Variants in ZNF438 observed in about 807,000 individuals in gnomAD.
ZNF438 encodes the protein zinc finger protein 438.
ZNF438 carries 25 observed loss-of-function variants against 38.0 expected under a neutral mutation model. The observed-to-expected ratio is 0.66, with a 90% CI of 0.48 to 0.92. The LOEUF (loss-of-function observed/expected upper bound fraction) is 0.92. Ranked by LOEUF, ZNF438 falls within the 40% of genes least tolerant of loss-of-function variation. The probability of loss-of-function intolerance (pLI) is 0.00; values close to 1 mark genes in which losing one functional copy is unlikely to be tolerated. For synonymous variants in ZNF438, 372 were observed against 364.1 expected, an observed-to-expected ratio of 1.02 and a Z score of -0.25; for missense variants, 1,007 against 999.6, an observed-to-expected ratio of 1.01 and a Z score of -0.10.
chr10:31,010,885 CCTGT>C (rs2055609892), intron 1 of ZNF438, among the ~76,000 whole-genome samples: 1 of 101,760 alleles, frequency 9.8e-6, no homozygotes, highest in Non-Finnish European at 1.8e-5. Context: ...GAAGTGAGAC[CCTGT>C]TTGAAAAAAA....
chr10:30,878,594 C>T (rs1016546933), intron 3 of ZNF438, among the ~76,000 whole-genome samples: 6 of 152,204 alleles, frequency 3.9e-5, no homozygotes, highest in African/African-American at 1.4e-4. Flanking sequence ...GTCACACTAG[C>T]CCTTTGCCCT....
chr10:30,872,927 GA>G (rs1270512019), intron 4 of ZNF438, among the ~76,000 whole-genome samples: 1 of 152,100 alleles, frequency 6.6e-6, no homozygotes, highest in East Asian at 1.9e-4. Context: ...TAATCACAGT[GA>G]ACTACTTCTT....
intron 1 of ZNF438, among the ~76,000 whole-genome samples, chr10:30,966,497 T>C (rs1376205174): frequency 6.6e-6 from 1 of 151,730 alleles, no homozygotes; most frequent in African/African-American, 2.4e-5. Flanking sequence ...GGTGAAACCC[T>C]GTCTCCACTA....
chr10:31,013,114 T>C (rs1301347256), intron 1 of ZNF438, among the ~76,000 whole-genome samples: 1 of 151,600 alleles, frequency 6.6e-6, no homozygotes, highest in East Asian at 1.9e-4. Context: ...GGTCAGGAGA[T>C]CGAGACCATC....
chr10:31,013,045 C>T (rs939831387), intron 1 of ZNF438, among the ~76,000 whole-genome samples: 11 of 152,176 alleles, frequency 7.2e-5, no homozygotes, highest in African/African-American at 2.7e-4. Flanking sequence ...CTGGGCCGGG[C>T]GCGGTGGCTC....
chr10:30,980,029 T>A (rs754803594), intron 1 of ZNF438, among the ~76,000 whole-genome samples: 3 of 152,128 alleles, frequency 2.0e-5, no homozygotes, highest in Non-Finnish European at 4.4e-5. Flanking sequence ...GTGAGGGGTG[T>A]GGGATCACGG....
intron 2 of ZNF438, among the ~76,000 whole-genome samples, chr10:30,938,468 G>T (rs1270632912): frequency 6.6e-6 from 1 of 151,814 alleles, no homozygotes; most frequent in Non-Finnish European, 1.5e-5. Context: ...TAGAGATGGG[G>T]TTTCATCATA....
intron 1 of ZNF438, among the ~76,000 whole-genome samples, chr10:30,948,998 G>C (rs564842110): frequency 6.6e-6 from 1 of 152,192 alleles, no homozygotes; most frequent in African/African-American, 2.4e-5. Flanking sequence ...GGCAGCCAGA[G>C]AGAAAGGTCG....
At position 31,016,634 on chromosome 10, in the gene ZNF438, G is replaced by A. The variant is rs558702074; in HGVS notation, c.-192+15199C>T. Among the ~76,000 whole-genome samples, 54 of 152,256 alleles carry A rather than the reference G, an allele frequency of 3.5e-4. No homozygotes were observed. In the South Asian group the frequency reaches 9.3e-3, roughly 26 times the overall value. On this transcript the variant is annotated intron_variant, in intron 1 of 5. Transcript: ENST00000413025. ...CACTGCCCTCAGGTGCATGATTGAA[G>A]CTAACTCACCAATGCTTCATTTACG...
chr10:30,987,603 C>T (rs1331079024), intron 1 of ZNF438, among the ~76,000 whole-genome samples: 1 of 152,020 alleles, frequency 6.6e-6, no homozygotes, highest in African/African-American at 2.4e-5. Flanking sequence ...CTTTAATTAG[C>T]GTTAGATTAG....
intron 4 of ZNF438, among the ~76,000 whole-genome samples, chr10:30,865,056 G>A (rs11008289): frequency 0.041 from 6,184 of 152,252 alleles, 410 homozygotes; most frequent in African/African-American, 0.14. Flanking sequence ...ATTCCAACAC[G>A]CTGAACTTAG....
intron 1 of ZNF438, among the ~76,000 whole-genome samples, chr10:30,970,278 C>T (rs2050603251): frequency 6.6e-6 from 1 of 151,924 alleles, no homozygotes; most frequent in Non-Finnish European, 1.5e-5. Flanking sequence ...AGGATAGAAG[C>T]AAGTAGGTTA....
At chr10:30,869,110 C>T (rs954484976) in intron 4 of ZNF438, among the ~76,000 whole-genome samples, 3 of 152,196 alleles carry the variant, frequency 2.0e-5, no homozygotes, top group African/African-American at 4.8e-5. Context: ...CAGTGGCTCA[C>T]GCCTGTAATC....
intron 2 of ZNF438, among the ~76,000 whole-genome samples, chr10:30,923,100 C>T (rs944117286): frequency 1.1e-4 from 16 of 152,218 alleles, no homozygotes; most frequent in African/African-American, 9.6e-5. Flanking sequence ...CAAATGATGG[C>T]ATAATTGAAT....
chr10:30,955,565 A>T (rs1475336646), intron 1 of ZNF438, among the ~76,000 whole-genome samples: 2 of 152,340 alleles, frequency 1.3e-5, no homozygotes, highest in Non-Finnish European at 2.9e-5. Flanking sequence ...ATGTAGACTT[A>T]GCCTTCCACC....
chr10:31,013,958 A>C (rs2055963415), intron 1 of ZNF438, among the ~76,000 whole-genome samples: 1 of 152,166 alleles, frequency 6.6e-6, no homozygotes, highest in Non-Finnish European at 1.5e-5. Flanking sequence ...AACCCTCTGC[A>C]ATCTGGACTG....
chr10:30,982,258 C>T (rs1304298191), intron 1 of ZNF438, among the ~76,000 whole-genome samples: 7 of 151,876 alleles, frequency 4.6e-5, no homozygotes, highest in East Asian at 1.9e-4. Flanking sequence ...CCTGCCACCA[C>T]GCCTGGCTAA....
At chr10:30,850,599 A>G (rs1275141409) in intron 4 of ZNF438, among the ~76,000 whole-genome samples, 1 of 152,082 alleles carries the variant, frequency 6.6e-6, no homozygotes, top group Non-Finnish European at 1.5e-5. Flanking sequence ...TATGTTATTT[A>G]CCATTTTCCA....
At chr10:31,008,481 C>T (rs2055362201) in intron 1 of ZNF438, among the ~76,000 whole-genome samples, 2 of 152,234 alleles carry the variant, frequency 1.3e-5, no homozygotes, top group South Asian at 4.1e-4. Flanking sequence ...AATCTACTTT[C>T]TGTCCCTATG....
Sources: allele counts gnomAD v4.1 joint callset (sites outside exome capture counted in the v4.1 genomes callset), GRCh38; gene constraint gnomAD v4.1.1; transcripts MANE v1.5; gene names NCBI Gene and HGNC (gene_info 2026-07-23, HGNC 2026-07-21).